WBP2: variants seen among roughly 807,000 people sequenced by gnomAD.
WBP2 encodes the protein WW domain binding protein 2.
In WBP2, 23 loss-of-function variants were observed where a neutral mutation model predicts 33.0. The ratio of observed to expected loss-of-function variants is 0.70; its 90% CI spans 0.50 to 0.99. WBP2 has a LOEUF of 0.99. WBP2 is among the 50% of genes least tolerant of loss of function. The pLI is 0.00. For synonymous variants in WBP2, 153 were observed against 133.5 expected (o/e 1.15, Z -1.01); for missense variants, 353 against 358.0 (o/e 0.99, Z 0.11).
chr17:75,846,389 G>A lies in WBP2; in HGVS notation c.*345C>T. On this transcript the variant is annotated 3_prime_UTR_variant, in exon 8 of 8. Coordinates refer to ENST00000254806, the MANE Select transcript of WBP2 (RefSeq NM_012478.4). The surrounding 1 kb of genome is among the most constrained non-coding windows in gnomAD (Gnocchi z 4.8). ...TGAGTGTAGCAGTGGGTGCCAGACT[G>A]AGGGAGCTGGACTGCGGTGGAGGAG... 2.6e-6 allele frequency: 1 copy of A among 383,622 alleles called. No individual in the cohort carries two copies. The highest frequency in any genetic ancestry group is 4.9e-6 in the Non-Finnish European group (1 of 204,688). 23.8% of individuals were successfully genotyped at this position (383,622 alleles called of 1,614,324 possible).
rs1332653428 is a variant in WBP2, at chr17:75,846,994, C to G, written c.656-10G>C. ...GCGGCCTTGGCTTCGGCTGTGAGAG[C>G]AAACACACCTGGTGTCGGTGACAAG... On this transcript the variant is annotated splice_polypyrimidine_tract_variant and intron_variant, in intron 6 of 7. Coordinates refer to ENST00000254806, the MANE Select transcript of WBP2 (RefSeq NM_012478.4). The surrounding 1 kb of genome is among the most constrained non-coding windows in gnomAD (Gnocchi z 4.8). 6.2e-7 allele frequency: 1 copy of G among 1,613,996 alleles called. No individual in the cohort carries two copies. Among genetic ancestry groups the G allele is most frequent in the Admixed American group, 1.7e-5 (1 of 60,002 alleles).
intron 1 of WBP2, among the ~76,000 whole-genome samples, chr17:75,854,732 T>C (rs1437294793): frequency 6.6e-6 from 1 of 152,182 alleles, no homozygotes. Context: ...TTTCCTGGAA[T>C]TACCACCTCT....
At chr17:75,849,980 G>C (rs2065017891) in intron 2 of WBP2, among the ~76,000 whole-genome samples, 1 of 152,236 alleles carries the variant, frequency 6.6e-6, no homozygotes, top group Non-Finnish European at 1.5e-5. Context: ...TAGTATCTAT[G>C]AGCAGGGCAG....
intron 1 of WBP2, among the ~76,000 whole-genome samples, chr17:75,854,043 TAAAAAAAAA>T (rs55857053): frequency 1.1e-4 from 6 of 55,454 alleles, no homozygotes; most frequent in Non-Finnish European, 1.7e-4. Flanking sequence ...AGCCTCCATC[TAAAAAAAAA>T]AAAAAAAAAA....
Position 75,846,671 on chromosome 17 carries a change from C to G in WBP2, c.*63G>C. The G allele has an allele frequency of 6.7e-7, 1 of 1,500,994 alleles. No individual in the cohort carries two copies. The allele number at this position is 1,500,994 out of a possible 1,614,324, so 93.0% of individuals were successfully genotyped here. On this transcript the variant is annotated 3_prime_UTR_variant, in exon 8 of 8. Coordinates refer to ENST00000254806, the MANE Select transcript of WBP2 (RefSeq NM_012478.4). This position sits in a 1 kb window ranked among gnomAD's most constrained non-coding sequence, Gnocchi z 4.8. ...GCCCCCTCCCCTCCCCAAGCCCCAG[C>G]ACAGCCCCGATGGGAGGGGTAGGGT...
chr17:75,847,178 C>T, intron 6 of WBP2, 194 bp from the exon 7 acceptor site: 3 of 690,770 alleles, frequency 4.3e-6, no homozygotes, highest in Non-Finnish European at 4.9e-6. Flanking sequence ...GCATGTCTCA[C>T]CTCATCTAAT....
rs2064995451 is a variant in WBP2 at position 75,846,849 on chromosome 17, C to T, written c.732+59G>A. 1.7e-5 allele frequency: 27 copies of T among 1,612,404 alleles called. No homozygotes were observed. Among genetic ancestry groups the T allele is most frequent in the Non-Finnish European group, 2.0e-5 (24 of 1,179,202 alleles). On this transcript the variant is annotated intron_variant, in intron 7 of 7. Transcript: ENST00000254806. This position sits in a 1 kb window ranked among gnomAD's most constrained non-coding sequence, Gnocchi z 4.8. Reference sequence around the variant, plus strand: ...GTTTAAAACATGGTGCGGTCATCCCCCTGCGGCTCCCAGCATCTGCGGCTG... The same window carrying T: ...GTTTAAAACATGGTGCGGTCATCCCTCTGCGGCTCCCAGCATCTGCGGCTG...
chr17:75,851,880 T>A (rs1330268966), intron 1 of WBP2: 1 of 396,198 alleles, frequency 2.5e-6, no homozygotes, highest in Non-Finnish European at 4.9e-6. Flanking sequence ...GGCGAGCGGA[T>A]GACCCCTGGT....
chr17:75,853,108 G>A (rs539349089), intron 1 of WBP2, among the ~76,000 whole-genome samples: 23 of 152,236 alleles, frequency 1.5e-4, no homozygotes, highest in African/African-American at 5.5e-4. Flanking sequence ...GCAACATAGC[G>A]TGATCTCAGC....
At position 75,846,908 on chromosome 17, in the gene WBP2, C is replaced by T. The variant is rs754073122; in HGVS notation, c.732G>A (p.Thr244=). ...CACCGGCACTGCCAAGCCCTCTCAC[C>T]GTGGGCATGTAGACGTTGTGAGGAT... is the stretch of plus-strand genomic sequence containing the variant. ...PGNPHNVYMP[T]SQPPPPPYYP... is the part of the protein sequence containing the mutation. The change falls in exon 7 of 8, where the codon ACG becomes ACA. Residue 244 remains threonine (T), a splice_region_variant and synonymous_variant. Coordinates refer to ENST00000254806, the MANE Select transcript of WBP2 (RefSeq NM_012478.4). This position sits in a 1 kb window ranked among gnomAD's most constrained non-coding sequence, Gnocchi z 4.8. 1.2e-6 allele frequency: 2 copies of T among 1,614,066 alleles called. No homozygotes were observed. Among genetic ancestry groups the T allele is most frequent in the South Asian group, 1.1e-5 (1 of 91,078 alleles).
chr17:75,848,686 A>G, intron 3 of WBP2, 24 bp from the exon 4 acceptor site: 1 of 1,597,044 alleles, frequency 6.3e-7, no homozygotes, highest in East Asian at 2.2e-5. Context: ...GACAGTGAAT[A>G]AACAGCACAG....
chr17:75,850,250 CTT>C (rs777399596), intron 2 of WBP2, among the ~76,000 whole-genome samples: 8 of 110,790 alleles, frequency 7.2e-5, no homozygotes, highest in Admixed American at 8.6e-5. Context: ...CTTTTCTTTT[CTT>C]TTTTTTTTTT....
chr17:75,849,700 A>G lies in WBP2; in HGVS notation c.208T>C (p.Phe70Leu). The G allele has an allele frequency of 6.2e-7, 1 of 1,614,218 alleles. No individual in the cohort carries two copies. Among genetic ancestry groups the G allele is most frequent in the South Asian group, 1.1e-5 (1 of 91,090 alleles). The change falls in exon 3 of 8, where the codon TTC (phenylalanine) becomes CTC (leucine). Residue 70 changes from phenylalanine to leucine, a missense_variant. Coordinates refer to ENST00000254806, the MANE Select transcript of WBP2 (RefSeq NM_012478.4). ...TTCATGAGATAAAATGGCATCATGA[A>G]GGACTGCATGGCATCCTTGCCCTTG... is the stretch of plus-strand genomic sequence containing the variant. ...LSKGKDAMQSFMMPFYLMKDC... is the reference protein window; with the variant it reads ...LSKGKDAMQSLMMPFYLMKDC...
At chr17:75,855,446 G>C, upstream of WBP2, 1 of 782,056 alleles carries the variant, frequency 1.3e-6, no homozygotes, top group Non-Finnish European at 2.2e-6. Flanking sequence ...ACGTCACGTG[G>C]TAATAGTTTA....
At chr17:75,855,167 A>ACCCCCCCCCCC in intron 1 of WBP2, 72 bp downstream of exon 1, 2 of 352,142 alleles carry the variant, frequency 5.7e-6, no homozygotes, top group South Asian at 2.5e-5. Context: ...ATTCCCCACC[A>ACCCCCCCCCCC]CCCACCACCC....
chr17:75,849,331 T>C (rs902910101), intron 3 of WBP2: 19 of 372,672 alleles, frequency 5.1e-5, no homozygotes, highest in Non-Finnish European at 7.8e-5. Flanking sequence ...AAAATTTGTA[T>C]GCGCTCGCCA....
upstream of WBP2, chr17:75,855,339 C>A (rs1181811546): frequency 6.2e-7 from 1 of 1,606,510 alleles, no homozygotes; most frequent in Non-Finnish European, 8.5e-7. Context: ...ACGCAATGAG[C>A]TTGCGCCCCT....
rs533332547 is a variant in WBP2 at position 75,850,491 on chromosome 17, C to T, written c.169-752G>A. Among the ~76,000 whole-genome samples the T allele has an allele frequency of 3.9e-5, 6 of 152,188 alleles. No homozygotes were observed. In the South Asian group the frequency reaches 8.3e-4, roughly 21 times the overall value. Reference sequence around the variant, plus strand: ...CGATCTCCTGACCTCATGATCCGCCCGCCTCGGCCTCCCAAAGTGCTGGGA... The same window carrying T: ...CGATCTCCTGACCTCATGATCCGCCTGCCTCGGCCTCCCAAAGTGCTGGGA... On this transcript the variant is annotated intron_variant, in intron 2 of 7. Coordinates refer to ENST00000254806, the MANE Select transcript of WBP2 (RefSeq NM_012478.4).
At chr17:75,848,446 A>T in intron 4 of WBP2, 124 bp downstream of exon 4, 1 of 868,198 alleles carries the variant, frequency 1.2e-6, no homozygotes, top group Non-Finnish European at 1.9e-6. Context: ...AGGCCTGGTC[A>T]GCCTGGTGCC....
Sources: gnomAD v4.1 joint callset for allele counts (sites outside exome capture counted in the v4.1 genomes callset) on GRCh38, gnomAD v4.1.1 for gene constraint, Gnocchi (gnomAD v3.1) non-coding constraint, MANE v1.5 for transcripts, NCBI Gene and HGNC (gene_info 2026-07-23, HGNC 2026-07-21) for gene names.